Variants in NAV2 observed in about 807,000 individuals in gnomAD.
NAV2 encodes neuron navigator 2, also known as helicase, APC down-regulated 1.
In NAV2, 54 loss-of-function variants were observed where a neutral mutation model predicts 223.2. That is an observed-to-expected ratio of 0.24 (90% CI 0.19 to 0.30). The LOEUF (loss-of-function observed/expected upper bound fraction) is 0.30. Ranked by LOEUF, NAV2 falls within the 10% of genes least tolerant of loss-of-function variation. The pLI is 1.00. For synonymous variants in NAV2, 1,279 were observed against 1,239.3 expected, an observed-to-expected ratio of 1.03 and a Z score of -0.67; for missense variants, 2,806 against 3,147.5, an observed-to-expected ratio of 0.89 and a Z score of 2.60.
At chr11:19,961,113 A>T (rs899949773) in intron 10 of NAV2, among the ~76,000 whole-genome samples, 7 of 151,228 alleles carry the variant, frequency 4.6e-5, no homozygotes, top group East Asian at 3.9e-4. Context: ...TTAATTTAAA[A>T]TTTTTTTCTC....
At chr11:19,434,984 T>C (rs1270001703) in intron 1 of NAV2, among the ~76,000 whole-genome samples, 2 of 152,002 alleles carry the variant, frequency 1.3e-5, no homozygotes, top group Non-Finnish European at 2.9e-5. Flanking sequence ...GATAAATAAT[T>C]ATATATATTT....
chr11:19,438,986 C>T (rs1590204593), intron 1 of NAV2, among the ~76,000 whole-genome samples: 1 of 152,086 alleles, frequency 6.6e-6, no homozygotes, highest in Non-Finnish European at 1.5e-5. Flanking sequence ...CCTCCCTCCT[C>T]CCTGGAATTG....
chr11:20,042,884 A>G (rs2057059302), intron 12 of NAV2, among the ~76,000 whole-genome samples: 1 of 152,068 alleles, frequency 6.6e-6, no homozygotes, highest in Non-Finnish European at 1.5e-5. Context: ...GGAGGCCTCC[A>G]AAGCATTCTG....
At chr11:19,503,442 T>C (rs2043021396) in intron 1 of NAV2, 1 of 152,230 alleles carries the variant, frequency 6.6e-6, no homozygotes, top group African/African-American at 2.4e-5. Context: ...AAGTCCTCTG[T>C]GCTCTGCTTA....
At chr11:19,606,717 G>C (rs536440588) in intron 1 of NAV2, among the ~76,000 whole-genome samples, 3 of 152,332 alleles carry the variant, frequency 2.0e-5, no homozygotes, top group South Asian at 4.1e-4. Context: ...CCTCTGCCAA[G>C]AGATATGACA....
intron 1 of NAV2, among the ~76,000 whole-genome samples, chr11:19,440,765 A>G (rs1326926568): frequency 6.6e-6 from 1 of 152,154 alleles, no homozygotes; most frequent in African/African-American, 2.4e-5. Context: ...ACTCTAGGTG[A>G]TTGACTAACT....
chr11:20,033,693 G>A (rs1432046678), intron 11 of NAV2, among the ~76,000 whole-genome samples: 2 of 152,354 alleles, frequency 1.3e-5, no homozygotes, highest in East Asian at 3.9e-4. Flanking sequence ...AAGCCAAATA[G>A]TGTTGAAGGA....
intron 1 of NAV2, among the ~76,000 whole-genome samples, chr11:19,473,380 T>C (rs1458248376): frequency 1.3e-5 from 2 of 152,170 alleles, no homozygotes; most frequent in Non-Finnish European, 2.9e-5. Flanking sequence ...GGTAGTATCA[T>C]AATTATTAAA....
intron 26 of NAV2, among the ~76,000 whole-genome samples, chr11:20,089,940 T>A (rs1044015779): frequency 2.0e-5 from 3 of 152,228 alleles, no homozygotes; most frequent in Non-Finnish European, 2.9e-5. Flanking sequence ...TTAGCCAGGC[T>A]GTTGCAGAGT....
intron 1 of NAV2, among the ~76,000 whole-genome samples, chr11:19,671,134 C>A (rs1444806744): frequency 6.6e-6 from 1 of 152,228 alleles, no homozygotes; most frequent in Non-Finnish European, 1.5e-5. Flanking sequence ...AGATGGTGAT[C>A]AATTAGCACT....
intron 36 of NAV2, among the ~76,000 whole-genome samples, chr11:20,108,568 A>T (rs574639245): frequency 6.7e-6 from 1 of 150,102 alleles, no homozygotes; most frequent in African/African-American, 2.4e-5. Flanking sequence ...TCAGCCTCCC[A>T]AGTAGCTGGG....
chr11:19,742,430 G>T (rs1167997564), intron 1 of NAV2, among the ~76,000 whole-genome samples: 1 of 152,248 alleles, frequency 6.6e-6, no homozygotes, highest in Non-Finnish European at 1.5e-5. Context: ...GCTACTTTAA[G>T]GCCAGAATAA....
intron 1 of NAV2, among the ~76,000 whole-genome samples, chr11:19,760,966 G>A (rs2054689785): frequency 6.6e-6 from 1 of 152,168 alleles, no homozygotes; most frequent in African/African-American, 2.4e-5. Flanking sequence ...AGTGCTGGTG[G>A]TTCTTCTGTT....
chr11:19,866,333 C>T (rs575535192), intron 3 of NAV2, among the ~76,000 whole-genome samples: 1 of 152,296 alleles, frequency 6.6e-6, no homozygotes, highest in South Asian at 2.1e-4. Flanking sequence ...CCAAACGCTG[C>T]CAGACATTGA....
intron 1 of NAV2, among the ~76,000 whole-genome samples, chr11:19,641,312 T>C (rs2047656736): frequency 6.6e-6 from 1 of 152,170 alleles, no homozygotes; most frequent in Admixed American, 6.5e-5. Context: ...AACAAGGCCA[T>C]CATGTCTGCC....
intron 1 of NAV2, among the ~76,000 whole-genome samples, chr11:19,768,013 C>T (rs1167129391): frequency 6.6e-6 from 1 of 152,238 alleles, no homozygotes. Flanking sequence ...GCTCTAAGAG[C>T]TAAGGGTTCC....
intron 25 of NAV2, 148 bp downstream of exon 25, chr11:20,080,357 G>A (rs538686652): frequency 1.2e-5 from 8 of 692,786 alleles, no homozygotes; most frequent in Non-Finnish European, 1.7e-5. Flanking sequence ...TTTGTGGATG[G>A]GTTTTTACTA....
At position 20,118,763 on chromosome 11, in the gene NAV2, C is replaced by T. The variant is rs1242612862; in HGVS notation, c.*505C>T. 1.7e-5 allele frequency: 3 copies of T among 173,128 alleles called. No homozygotes were observed. The highest frequency in any genetic ancestry group is 1.6e-4 in the South Asian group (1 of 6,266). 10.7% of individuals were successfully genotyped at this position (173,128 alleles called of 1,614,324 possible). On this transcript the variant is annotated 3_prime_UTR_variant, in exon 38 of 38. Transcript: ENST00000349880. ...CGTGCCACCCACCCTCCCACACAGCCGGCCACAGGGAGAACTGGTGCTAAC... is the reference window on the plus strand; with the variant it reads ...CGTGCCACCCACCCTCCCACACAGCTGGCCACAGGGAGAACTGGTGCTAAC...
At chr11:19,892,127 T>C (rs1360019326) in intron 5 of NAV2, among the ~76,000 whole-genome samples, 1 of 152,140 alleles carries the variant, frequency 6.6e-6, no homozygotes, top group Non-Finnish European at 1.5e-5. Flanking sequence ...CCTGGCTAAT[T>C]TTTGCATTTT....
Sources: gnomAD v4.1 joint callset for allele counts (sites outside exome capture counted in the v4.1 genomes callset) on GRCh38, gnomAD v4.1.1 for gene constraint, MANE v1.5 for transcripts, NCBI Gene and HGNC (gene_info 2026-07-23, HGNC 2026-07-21) for gene names.